Variants in IL1RAPL2 observed in about 807,000 individuals in gnomAD.
The protein encoded by IL1RAPL2 is X-linked interleukin-1 receptor accessory protein-like 2.
In IL1RAPL2, 3 loss-of-function variants were observed where a neutral mutation model predicts 44.1. The ratio of observed to expected loss-of-function variants is 0.07; its 90% CI spans 0.03 to 0.18. The LOEUF (loss-of-function observed/expected upper bound fraction) is 0.18. Ranked by LOEUF, IL1RAPL2 falls within the 10% of genes least tolerant of loss-of-function variation. IL1RAPL2 has a pLI of 1.00. For synonymous variants in IL1RAPL2, 181 were observed against 178.8 expected (o/e 1.01, Z -0.10); for missense variants, 391 against 496.4 (o/e 0.79, Z 2.02).
intron 3 of IL1RAPL2, among the ~76,000 whole-genome samples, chrX:105,204,045 C>G (rs2033739817): frequency 8.9e-6 from 1 of 111,773 alleles, no homozygotes; most frequent in Non-Finnish European, 1.9e-5. Context: ...GGTTCTGACT[C>G]CAACATTAAC....
At chrX:104,625,631 G>C (rs951877012) in intron 1 of IL1RAPL2, among the ~76,000 whole-genome samples, 7 of 111,283 alleles carry the variant, frequency 6.3e-5, no homozygotes, top group African/African-American at 2.0e-4. Flanking sequence ...TCTAACCCTG[G>C]CATAGTTCAT....
intron 6 of IL1RAPL2, among the ~76,000 whole-genome samples, chrX:105,498,179 A>C (rs757786783): frequency 9.4e-4 from 106 of 112,411 alleles, no homozygotes; most frequent in African/African-American, 3.4e-3. Context: ...AAAAGTTAGA[A>C]CTAATAAATT....
chrX:105,205,008 A>C (rs2033748805), intron 3 of IL1RAPL2, among the ~76,000 whole-genome samples: 1 of 111,807 alleles, frequency 8.9e-6, no homozygotes, highest in Admixed American at 9.5e-5. Context: ...TGGAGCTTCC[A>C]TTCTAGAGTT....
intron 5 of IL1RAPL2, among the ~76,000 whole-genome samples, chrX:105,464,635 T>C (rs2036115649): frequency 8.9e-6 from 1 of 111,782 alleles, no homozygotes; most frequent in Non-Finnish European, 1.9e-5. Context: ...AATCCAAAAT[T>C]CCTTTCTGTA....
intron 2 of IL1RAPL2, among the ~76,000 whole-genome samples, chrX:105,145,381 C>T (rs1206162116): frequency 4.5e-5 from 5 of 111,632 alleles, no homozygotes; most frequent in Non-Finnish European, 5.6e-5. Context: ...TTCTTCCTTC[C>T]CCTGTTTCCT....
At chrX:104,871,326 C>T (rs1044146305) in intron 2 of IL1RAPL2, among the ~76,000 whole-genome samples, 3 of 111,424 alleles carry the variant, frequency 2.7e-5, no homozygotes, top group Non-Finnish European at 5.7e-5. Context: ...CTGCAGAAAG[C>T]CTTTCCATTG....
intron 1 of IL1RAPL2, among the ~76,000 whole-genome samples, chrX:104,567,440 T>C (rs1928059519): frequency 8.9e-6 from 1 of 112,556 alleles, no homozygotes; most frequent in African/African-American, 3.2e-5. Context: ...GGAGAGCAAC[T>C]GGAGCTGGGA....
intron 2 of IL1RAPL2, among the ~76,000 whole-genome samples, chrX:104,977,442 G>C (rs1234679891): frequency 8.9e-6 from 1 of 111,888 alleles, no homozygotes; most frequent in East Asian, 2.8e-4. Context: ...TTATAGCTCT[G>C]CAGCTTTTGG....
chrX:105,717,709 A>G (rs943254990), intron 7 of IL1RAPL2, among the ~76,000 whole-genome samples: 1 of 112,001 alleles, frequency 8.9e-6, no homozygotes, highest in Non-Finnish European at 1.9e-5. Context: ...ATGACCCTCC[A>G]AAAGCTGCCT....
intron 6 of IL1RAPL2, among the ~76,000 whole-genome samples, chrX:105,677,762 A>G (rs934917347): frequency 4.5e-5 from 5 of 111,239 alleles, no homozygotes; most frequent in African/African-American, 1.3e-4. Context: ...ACAACCCAAA[A>G]TGGCTCCAGA....
intron 2 of IL1RAPL2, among the ~76,000 whole-genome samples, chrX:105,027,711 C>T (rs1037523304): frequency 1.8e-5 from 2 of 110,943 alleles, no homozygotes; most frequent in African/African-American, 6.6e-5. Context: ...AAAAGGGAAC[C>T]CTTGTATACT....
intron 2 of IL1RAPL2, among the ~76,000 whole-genome samples, chrX:104,679,161 T>C (rs1032653149): frequency 1.8e-5 from 2 of 111,260 alleles, no homozygotes; most frequent in African/African-American, 3.3e-5. Context: ...TTGTGTACTT[T>C]TGTCCCTTCC....
chrX:104,928,710 C>T (rs1924830226), intron 2 of IL1RAPL2, among the ~76,000 whole-genome samples: 1 of 110,523 alleles, frequency 9.0e-6, no homozygotes, highest in African/African-American at 3.3e-5. Flanking sequence ...TAATTGGGAA[C>T]CATTTGAGGG....
Position 104,952,290 on chromosome X carries a change from C to T in IL1RAPL2, c.83-243185C>T, listed in dbSNP as rs1010385466. On this transcript the variant is annotated intron_variant, in intron 2 of 10. Coordinates refer to ENST00000372582, the MANE Select transcript of IL1RAPL2 (RefSeq NM_017416.2). ...GTGACTCACTTTAAAATAAAGTTGG[C>T]ATTTTGGAAAATAGGCACAATTTTT... Among the ~76,000 whole-genome samples the T allele has an allele frequency of 4.5e-5, 5 of 111,907 alleles. No homozygotes were observed. The South Asian group carries it at 1.9e-3, about 42-fold the overall frequency.
chrX:104,904,019 G>C (rs1390757985), intron 2 of IL1RAPL2, among the ~76,000 whole-genome samples: 1 of 111,546 alleles, frequency 9.0e-6, no homozygotes, highest in Admixed American at 9.5e-5. Context: ...CTGTAGTTTG[G>C]ATTGTTGAGT....
At chrX:104,887,097 C>G (rs770087723) in intron 2 of IL1RAPL2, among the ~76,000 whole-genome samples, 3 of 112,436 alleles carry the variant, frequency 2.7e-5, no homozygotes, top group Non-Finnish European at 5.6e-5. Flanking sequence ...TATCCTTGCC[C>G]TAAGACATTA....
intron 2 of IL1RAPL2, among the ~76,000 whole-genome samples, chrX:104,698,289 C>G (rs888661324): frequency 2.7e-5 from 3 of 112,349 alleles, no homozygotes; most frequent in Admixed American, 9.4e-5. Context: ...AAACAAGTCA[C>G]TAGGTCCAAC....
intron 6 of IL1RAPL2, among the ~76,000 whole-genome samples, chrX:105,714,302 C>T (rs59495607): frequency 0.22 from 24,580 of 110,775 alleles, 2,773 homozygotes; most frequent in East Asian, 0.63. Context: ...TCTTTATGGT[C>T]TGTCCACATC....
intron 2 of IL1RAPL2, among the ~76,000 whole-genome samples, chrX:104,739,703 A>G (rs1932070981): frequency 8.9e-6 from 1 of 111,959 alleles, no homozygotes; most frequent in African/African-American, 3.2e-5. Flanking sequence ...TGTGGATCAA[A>G]ATTTAAACTA....
Sources: allele counts gnomAD v4.1 joint callset (sites outside exome capture counted in the v4.1 genomes callset), GRCh38; gene constraint gnomAD v4.1.1; transcripts MANE v1.5; gene names NCBI Gene and HGNC (gene_info 2026-07-23, HGNC 2026-07-21).